Variants in GLI2 observed in about 807,000 individuals in gnomAD.
GLI2 encodes the protein GLI family zinc finger 2, also known as transcription activator GLI2.
GLI2 carries 22 observed loss-of-function variants against 78.9 expected under a neutral mutation model. The ratio of observed to expected loss-of-function variants is 0.28; its 90% CI spans 0.20 to 0.40. The LOEUF is 0.40. Ranked by LOEUF, GLI2 falls within the 10% of genes least tolerant of loss-of-function variation. The pLI is 1.00. For synonymous variants in GLI2, 974 were observed against 963.7 expected (o/e 1.01, Z -0.20); for missense variants, 2,097 against 2,213.2 (o/e 0.95, Z 1.05).
intron 1 of GLI2, among the ~76,000 whole-genome samples, chr2:120,788,351 A>G (rs1489099726): frequency 6.6e-6 from 1 of 152,208 alleles, no homozygotes; most frequent in African/African-American, 2.4e-5. Context: ...TCTGGATTTT[A>G]AAGCATGGCA....
At position 120,982,977 on chromosome 2, in the gene GLI2, C is replaced by T. The variant is rs1682786142; in HGVS notation, c.1632+97C>T. 34 of 1,151,396 alleles carry T rather than the reference C, an allele frequency of 3.0e-5. No homozygotes were observed. In the South Asian group the frequency reaches 3.3e-4, roughly 11 times the overall value. The allele number at this position is 1,151,396 out of a possible 1,614,324, so 71.3% of individuals were successfully genotyped here. A position where few individuals can be genotyped will look rare whatever the true frequency, so the allele number is the denominator to read the frequency against. The stretch of plus-strand genomic sequence containing the variant: ...GTAGTCCAGTAGATAGCCAGGTGCC[C>T]CATGTCCCGCCCCCGCCACTGACCA... On this transcript the variant is annotated intron_variant, in intron 11 of 13. Transcript: ENST00000361492.
chr2:120,896,696 T>G, intron 2 of GLI2, among the ~76,000 whole-genome samples: 1 of 128,908 alleles, frequency 7.8e-6, no homozygotes, highest in South Asian at 2.6e-4. Context: ...CACACACCCA[T>G]ACACACACAC....
intron 2 of GLI2, among the ~76,000 whole-genome samples, chr2:120,849,461 C>CATGATG (rs1256036490): frequency 6.6e-6 from 1 of 151,448 alleles, no homozygotes; most frequent in Non-Finnish European, 1.5e-5. Context: ...TGATGATGAT[C>CATGATG]ATGATGATGA....
intron 3 of GLI2, 43 bp from the exon 4 acceptor site, chr2:120,951,200 C>T: frequency 1.7e-6 from 2 of 1,171,566 alleles, no homozygotes; most frequent in South Asian, 1.2e-5. Flanking sequence ...GTGGGGTTCC[C>T]TCTGTGTCCT....
chr2:120,924,546 C>CAT (rs1354916904), intron 2 of GLI2, among the ~76,000 whole-genome samples: 1 of 151,500 alleles, frequency 6.6e-6, no homozygotes, highest in Non-Finnish European at 1.5e-5. Context: ...TAGAAATACA[C>CAT]ACACACACAC....
At chr2:120,955,161 T>G in intron 4 of GLI2, 84 bp from the exon 5 acceptor site, 2 of 536,020 alleles carry the variant, frequency 3.7e-6, no homozygotes, top group Non-Finnish European at 6.2e-6. Flanking sequence ...GCCTTTTTTT[T>G]TTTTTTTTTT....
At chr2:120,858,253 TTTTA>T (rs1383517412) in intron 2 of GLI2, among the ~76,000 whole-genome samples, 1 of 152,194 alleles carries the variant, frequency 6.6e-6, no homozygotes, top group Non-Finnish European at 1.5e-5. Flanking sequence ...GTCTCAGTGT[TTTTA>T]TTTGTCAAGA....
intron 2 of GLI2, among the ~76,000 whole-genome samples, chr2:120,799,490 C>G (rs2104701584): frequency 6.6e-6 from 1 of 152,322 alleles, no homozygotes; most frequent in East Asian, 1.9e-4. Context: ...TGTCTCTGAG[C>G]AGCTTTTTTT....
At chr2:120,867,794 C>T (rs969031645) in intron 2 of GLI2, among the ~76,000 whole-genome samples, 1 of 149,856 alleles carries the variant, frequency 6.7e-6, no homozygotes, top group East Asian at 2.0e-4. Flanking sequence ...GGGCCTCAGG[C>T]GGGGGGAGCT....
intron 2 of GLI2, among the ~76,000 whole-genome samples, chr2:120,820,360 A>C (rs991056704): frequency 6.6e-6 from 1 of 152,156 alleles, no homozygotes; most frequent in Admixed American, 6.5e-5. Flanking sequence ...ACTTTCATCC[A>C]GCTGGACGCC....
chr2:120,844,956 G>A (rs912936560), intron 2 of GLI2, among the ~76,000 whole-genome samples: 2 of 152,206 alleles, frequency 1.3e-5, no homozygotes, highest in Admixed American at 1.3e-4. Flanking sequence ...TGTAGACTGG[G>A]TGGGAGGAGC....
rs1201457370 is a variant in GLI2 at position 120,992,434 on chromosome 2, A to G, written c.*1759A>G. The G allele has an allele frequency of 6.6e-6, 1 of 152,236 alleles. No individual in the cohort carries two copies. The highest frequency in any genetic ancestry group is 1.5e-5 in the Non-Finnish European group (1 of 68,042). 9.4% of individuals were successfully genotyped at this position (152,236 alleles called of 1,614,324 possible). The stretch of plus-strand genomic sequence containing the variant: ...TTTTAGCTTTTTCTACATGCTATGA[A>G]TTGAGATGACATGCTCAACTTGTAA... On this transcript the variant is annotated 3_prime_UTR_variant, in exon 14 of 14. Transcript: ENST00000361492.
chr2:120,937,712 A>G (rs1401394523), intron 3 of GLI2, among the ~76,000 whole-genome samples: 1 of 152,204 alleles, frequency 6.6e-6, no homozygotes, highest in Non-Finnish European at 1.5e-5. Flanking sequence ...GCACATACTC[A>G]TGAAGGCTTG....
chr2:120,865,094 A>T (rs1235761502), intron 2 of GLI2, among the ~76,000 whole-genome samples: 1 of 152,096 alleles, frequency 6.6e-6, no homozygotes, highest in Non-Finnish European at 1.5e-5. Context: ...CTGAGGCCTC[A>T]TCACTTCCAT....
intron 2 of GLI2, among the ~76,000 whole-genome samples, chr2:120,906,715 C>T (rs576401728): frequency 2.0e-5 from 3 of 152,126 alleles, no homozygotes; most frequent in Admixed American, 6.5e-5. Flanking sequence ...AGCACTTTCT[C>T]GCCCTCAAAA....
At chr2:120,803,462 T>G (rs1232627028) in intron 2 of GLI2, among the ~76,000 whole-genome samples, 1 of 152,268 alleles carries the variant, frequency 6.6e-6, no homozygotes, top group Non-Finnish European at 1.5e-5. Flanking sequence ...ATACTCTGCC[T>G]GACTTAGAAA....
intron 2 of GLI2, among the ~76,000 whole-genome samples, chr2:120,893,943 G>C (rs1478398507): frequency 6.6e-6 from 1 of 152,176 alleles, no homozygotes; most frequent in African/African-American, 2.4e-5. Context: ...GTGTGGGGCT[G>C]ACAGCAGCGT....
intron 2 of GLI2, among the ~76,000 whole-genome samples, chr2:120,850,784 T>G (rs1228376404): frequency 6.6e-6 from 1 of 151,810 alleles, no homozygotes. Flanking sequence ...GAGGCAGGGG[T>G]TGGCCTTATA....
intron 2 of GLI2, among the ~76,000 whole-genome samples, chr2:120,858,064 T>C (rs564346888): frequency 9.2e-4 from 140 of 151,980 alleles, no homozygotes; most frequent in African/African-American, 3.3e-3. Flanking sequence ...CTGTGTAGGG[T>C]GGTCGAGGTG....
Sources: gnomAD v4.1 joint callset for allele counts (sites outside exome capture counted in the v4.1 genomes callset) on GRCh38, gnomAD v4.1.1 for gene constraint, MANE v1.5 for transcripts, NCBI Gene and HGNC (gene_info 2026-07-23, HGNC 2026-07-21) for gene names.